Variants in AGL observed in about 807,000 individuals in gnomAD.
AGL encodes amylo-alpha-1,6-glucosidase and 4-alpha-glucanotransferase.
Under a neutral mutation model 199.3 loss-of-function variants are expected in AGL, and 128 were observed. That is an observed-to-expected ratio of 0.64 (90% confidence interval 0.56 to 0.74). AGL has a LOEUF of 0.74. Among genes scored for constraint, AGL ranks in the 30% least tolerant of loss-of-function variants. AGL has a pLI of 0.00. For missense variants in AGL, 1,809 were observed against 1,820.8 expected (o/e 0.99, Z 0.12); for synonymous variants, 584 against 594.7 (o/e 0.98, Z 0.26).
rs1348522757 is a variant in AGL at position 99,876,692 on chromosome 1, CTA to C, written c.1423+97_1423+98del. On this transcript the variant is annotated intron_variant, in intron 11 of 33. Transcript: ENST00000361915. ...TTTACTGATTTTCTTCCCCATTAGT[CTA>C]TTGGTTTTTAAATATTTCACCATAA... The C allele has an allele frequency of 1.7e-5, 24 of 1,416,904 alleles. No individual in the cohort carries two copies. The Admixed American group carries it at 3.7e-4, about 22-fold the overall frequency. The allele number at this position is 1,416,904 out of a possible 1,614,324, so 87.8% of individuals were successfully genotyped here.
chr1:99,902,591 T>C lies in AGL; in HGVS notation c.3589-92T>C, dbSNP rs1401514079. 4.8e-6 allele frequency: 5 copies of C among 1,038,672 alleles called. No homozygotes were observed. In the Admixed American group the frequency reaches 8.6e-5, roughly 18 times the overall value. The allele number at this position is 1,038,672 out of a possible 1,614,324, so 64.3% of individuals were successfully genotyped here. A position where few individuals can be genotyped will look rare whatever the true frequency, so the allele number is the denominator to read the frequency against. ...CTATTTCTCACTTCAAAGGAAAGTA[T>C]ATATTTTCACATTACTTCAGTTGTC... On this transcript the variant is annotated intron_variant, in intron 26 of 33. Transcript: ENST00000361915.
chr1:99,922,537 G>A lies in AGL; in HGVS notation c.*886G>A, dbSNP rs1386903505. The A allele has an allele frequency of 1.3e-5, 2 of 151,662 alleles. No individual in the cohort carries two copies. The highest frequency in any genetic ancestry group is 4.8e-5 in the African/African-American group (2 of 41,400). The allele number at this position is 151,662 out of a possible 1,614,324, so 9.4% of individuals were successfully genotyped here. The stretch of plus-strand genomic sequence containing the variant: ...CCTACATTGACAAGTTTAACATTGA[G>A]AAGAATCTTAACAAAAATATGGATA... On this transcript the variant is annotated 3_prime_UTR_variant, in exon 34 of 34. Coordinates refer to ENST00000361915, the MANE Select transcript of AGL (RefSeq NM_000642.3).
At chr1:99,896,026 TC>T (rs1653284566) in intron 24 of AGL, among the ~76,000 whole-genome samples, 1 of 152,208 alleles carries the variant, frequency 6.6e-6, no homozygotes, top group Admixed American at 6.5e-5. Context: ...TAGATAAGTA[TC>T]TCTCTATAGC....
chr1:99,896,662 T>C (rs963581473), intron 25 of AGL, among the ~76,000 whole-genome samples: 2 of 152,236 alleles, frequency 1.3e-5, no homozygotes, highest in Non-Finnish European at 2.9e-5. Context: ...AAAAATGTTA[T>C]AACCTTTTTA....
intron 25 of AGL, among the ~76,000 whole-genome samples, chr1:99,899,337 C>T (rs998537617): frequency 9.9e-5 from 15 of 152,206 alleles, no homozygotes; most frequent in African/African-American, 3.6e-4. Context: ...AGACTTCAGC[C>T]TTCTTATTTC....
At position 99,919,527 on chromosome 1, in the gene AGL, T is replaced by C. The variant is rs1178458160; in HGVS notation, c.4482-2007T>C. Among the ~76,000 whole-genome samples the C allele has an allele frequency of 2.6e-5, 4 of 152,176 alleles. No homozygotes were observed. In the East Asian group the frequency reaches 7.7e-4, roughly 29 times the overall value. Reference sequence around the variant, plus strand: ...AGCCAGATCTGAGCACATGGTGTATTTATTATTACTATGACCCCCAGTAGA... The same window carrying C: ...AGCCAGATCTGAGCACATGGTGTATCTATTATTACTATGACCCCCAGTAGA... On this transcript the variant is annotated intron_variant, in intron 33 of 33. Coordinates refer to ENST00000361915, the MANE Select transcript of AGL (RefSeq NM_000642.3).
chr1:99,907,695 T>TTTTTTTGTTTTTTTTG lies in AGL; in HGVS notation c.3701-3010_3701-3009insTTTTTTTTGTTTTTTG, dbSNP rs1426568940. ...TTGTTCGTTTGTTTTTGTTTTTTGT[T>TTTTTTTGTTTTTTTTG]TTTTTTGCTAGTAGCCATCCTAAAT... On this transcript the variant is annotated intron_variant, in intron 27 of 33. Transcript: ENST00000361915. Among the ~76,000 whole-genome samples the TTTTTTTGTTTTTTTTG allele has an allele frequency of 4.0e-5, 6 of 148,862 alleles. 1 individual carries two copies. Among genetic ancestry groups the TTTTTTTGTTTTTTTTG allele is most frequent in the Admixed American group, 1.3e-4 (2 of 14,922 alleles).
Position 99,877,751 on chromosome 1 carries a change from T to C in AGL, c.1534T>C (p.Tyr512His). 4 of 1,613,998 alleles carry C rather than the reference T, an allele frequency of 2.5e-6. No individual in the cohort carries two copies. Among genetic ancestry groups the C allele is most frequent in the Non-Finnish European group, 3.4e-6 (4 of 1,179,946 alleles). Residue 512 changes from tyrosine (Y) to histidine (H), a missense_variant, in exon 12 of 34, where the codon TAC (tyrosine) becomes CAC (histidine). Transcript: ENST00000361915. ...TTATCTCTGGGCACACATGAAAAAA[T>C]ACACTGAAATAACTGCAACTTATTT... ...CPYLWAHMKK[Y>H]TEITATYFQG... is the part of the protein sequence containing the mutation.
At chr1:99,908,486 A>G (rs111370487) in intron 27 of AGL, among the ~76,000 whole-genome samples, 40 of 152,252 alleles carry the variant, frequency 2.6e-4, no homozygotes, top group African/African-American at 8.9e-4. Context: ...TGTTTTGGCT[A>G]TTCAAGGTCC....
In AGL at chr1:99,891,309, G is replaced by C. The variant is rs1213532997; in HGVS notation, c.2902G>C (p.Asp968His). 1 of 1,613,736 alleles carries C rather than the reference G, an allele frequency of 6.2e-7. No individual in the cohort carries two copies. The change falls in exon 22 of 34, where the codon GAC (aspartate) becomes CAC (histidine). Residue 968 changes from aspartate to histidine, a missense_variant. Physicochemically the swap from Asp to His is moderately conservative, Grantham distance 81. Coordinates refer to ENST00000361915, the MANE Select transcript of AGL (RefSeq NM_000642.3). Reference protein sequence around the residue: ...NNLRSGDWMIDYVSNRLISRS... With the variant: ...NNLRSGDWMIHYVSNRLISRS... ...TTTGAGATCTGGAGATTGGATGATT[G>C]ACTATGTCAGTAACCGGCTTATTTC...
At chr1:99,861,134 A>G in intron 2 of AGL, 1 of 1,076,314 alleles carries the variant, frequency 9.3e-7, no homozygotes, top group South Asian at 2.3e-5. Flanking sequence ...AAAATACTAG[A>G]GAAGGTCTCT....
chr1:99,876,151 A>C (rs1007990504), intron 10 of AGL, among the ~76,000 whole-genome samples: 1 of 152,250 alleles, frequency 6.6e-6, no homozygotes, highest in African/African-American at 2.4e-5. Context: ...CTAGGATTAC[A>C]GGCATGAGCC....
intron 24 of AGL, among the ~76,000 whole-genome samples, chr1:99,895,809 C>T (rs1299121683): frequency 1.2e-4 from 19 of 152,122 alleles, no homozygotes; most frequent in Non-Finnish European, 2.8e-4. Context: ...ACCTCATTCT[C>T]TACAAAAAAT....
intron 25 of AGL, among the ~76,000 whole-genome samples, chr1:99,899,510 T>TTCTCTCTC (rs200390058): frequency 1.3e-5 from 1 of 74,628 alleles, no homozygotes; most frequent in African/African-American, 4.7e-5. Context: ...TTTGTTTTCT[T>TTCTCTCTC]TCTCTCTCTC....
intron 2 of AGL, among the ~76,000 whole-genome samples, chr1:99,855,816 T>C (rs1266372477): frequency 6.6e-6 from 1 of 151,848 alleles, no homozygotes; most frequent in Admixed American, 6.6e-5. Context: ...AAAAAAAGAA[T>C]AATGAACAAA....
chr1:99,907,693 G>GTTTTTTTTTTTTGT, intron 27 of AGL, among the ~76,000 whole-genome samples: 1 of 118,974 alleles, frequency 8.4e-6, no homozygotes, highest in Admixed American at 9.2e-5. Flanking sequence ...TTTGTTTTTT[G>GTTTTTTTTTTTTGT]TTTTTTTTGC....
At chr1:99,883,656 A>G (rs58484244) in intron 17 of AGL, among the ~76,000 whole-genome samples, 67 of 152,298 alleles carry the variant, frequency 4.4e-4, no homozygotes, top group African/African-American at 1.6e-3. Flanking sequence ...AGGCATGTGT[A>G]GTGAAAATGC....
chr1:99,858,286 G>T (rs889940811), intron 2 of AGL, among the ~76,000 whole-genome samples: 1 of 152,184 alleles, frequency 6.6e-6, no homozygotes, highest in Non-Finnish European at 1.5e-5. Context: ...ATGATACTTA[G>T]AAAATATTTT....
At chr1:99,869,248 TG>T (rs1363387289) in intron 5 of AGL, among the ~76,000 whole-genome samples, 9 of 152,336 alleles carry the variant, frequency 5.9e-5, no homozygotes, top group African/African-American at 1.9e-4. Flanking sequence ...AACTACTTAA[TG>T]CAAGTTTTGA....
Sources: allele counts gnomAD v4.1 joint callset (sites outside exome capture counted in the v4.1 genomes callset), GRCh38; gene constraint gnomAD v4.1.1; transcripts MANE v1.5; gene names NCBI Gene and HGNC (gene_info 2026-07-23, HGNC 2026-07-21).